Variants in XKR6 observed in about 807,000 individuals in gnomAD.
The protein encoded by XKR6 is XK related 6.
In XKR6, 22 loss-of-function variants were observed where a neutral mutation model predicts 56.7. The ratio of observed to expected loss-of-function variants is 0.39; its 90% CI spans 0.28 to 0.55. XKR6 has a LOEUF of 0.55. Ranked by LOEUF, XKR6 falls within the 20% of genes least tolerant of loss-of-function variation. The probability of loss-of-function intolerance (pLI) is 0.66; values close to 1 mark genes in which losing one functional copy is unlikely to be tolerated. For missense variants in XKR6, 852 were observed against 889.0 expected, an observed-to-expected ratio of 0.96 and a Z score of 0.53; for synonymous variants, 524 against 387.8, an observed-to-expected ratio of 1.35 and a Z score of -4.13.
chr8:11,195,532 A>T (rs1326645675), intron 1 of XKR6, among the ~76,000 whole-genome samples: 1 of 152,136 alleles, frequency 6.6e-6, no homozygotes, highest in Non-Finnish European at 1.5e-5. Flanking sequence ...TAGCACATCC[A>T]CTTCCTGATC....
chr8:10,975,331 A>G (rs1041752212), intron 1 of XKR6, among the ~76,000 whole-genome samples: 5 of 152,340 alleles, frequency 3.3e-5, no homozygotes, highest in African/African-American at 1.2e-4. Context: ...AACACAGTGC[A>G]TTGAGGCCAG....
At chr8:11,065,600 A>G (rs1187457585) in intron 1 of XKR6, among the ~76,000 whole-genome samples, 1 of 151,174 alleles carries the variant, frequency 6.6e-6, no homozygotes, top group Non-Finnish European at 1.5e-5. Flanking sequence ...TTATCCTGGG[A>G]AATCCCTGCT....
intron 1 of XKR6, among the ~76,000 whole-genome samples, chr8:10,958,160 T>A (rs979977183): frequency 1.3e-5 from 2 of 152,076 alleles, no homozygotes; most frequent in Non-Finnish European, 2.9e-5. Context: ...TCCCTGAATC[T>A]CAAAATAGTC....
chr8:10,916,679 T>G (rs992503068), intron 2 of XKR6, among the ~76,000 whole-genome samples: 3 of 152,196 alleles, frequency 2.0e-5, no homozygotes, highest in Non-Finnish European at 2.9e-5. Flanking sequence ...GTGGAGCTGA[T>G]GCTTCATGTG....
At chr8:11,071,696 G>T (rs978321529) in intron 1 of XKR6, among the ~76,000 whole-genome samples, 2 of 152,010 alleles carry the variant, frequency 1.3e-5, no homozygotes, top group Non-Finnish European at 2.9e-5. Context: ...GAGTCTATGA[G>T]CCCCGAGTCT....
intron 1 of XKR6, among the ~76,000 whole-genome samples, chr8:11,056,484 A>AT (rs1563107983): frequency 2.0e-5 from 3 of 152,156 alleles, no homozygotes; most frequent in African/African-American, 7.2e-5. Context: ...TTCTGTGCAC[A>AT]TGGCAGGCTC....
At chr8:10,976,845 C>T (rs766727081) in intron 1 of XKR6, among the ~76,000 whole-genome samples, 28 of 152,196 alleles carry the variant, frequency 1.8e-4, no homozygotes, top group Admixed American at 3.9e-4. Flanking sequence ...AGCGATGTGG[C>T]CTCCCTGAAA....
chr8:11,163,650 G>A (rs1801932435), intron 1 of XKR6, among the ~76,000 whole-genome samples: 1 of 152,218 alleles, frequency 6.6e-6, no homozygotes, highest in Non-Finnish European at 1.5e-5. Flanking sequence ...AGAACGCATT[G>A]CTTTGTTGTT....
At chr8:11,062,947 G>A in intron 1 of XKR6, 1 of 428,496 alleles carries the variant, frequency 2.3e-6, no homozygotes, top group Non-Finnish European at 4.8e-6. Flanking sequence ...GCATTGGCTA[G>A]AAGTGAAGGA....
intron 1 of XKR6, among the ~76,000 whole-genome samples, chr8:11,198,440 G>T (rs946691675): frequency 6.8e-6 from 1 of 146,486 alleles, no homozygotes; most frequent in African/African-American, 2.5e-5. Flanking sequence ...TTCTAATCTT[G>T]AAAAAAGATG....
intron 1 of XKR6, among the ~76,000 whole-genome samples, chr8:11,075,709 C>T (rs1185036334): frequency 1.3e-5 from 2 of 152,130 alleles, no homozygotes; most frequent in African/African-American, 4.8e-5. Flanking sequence ...CCCGCCTCTA[C>T]TAAAAATACA....
intron 1 of XKR6, among the ~76,000 whole-genome samples, chr8:11,076,782 G>A (rs577447073): frequency 7.9e-5 from 12 of 152,318 alleles, no homozygotes; most frequent in East Asian, 1.9e-4. Context: ...CTCTGGGCCC[G>A]CAGAGGACAG....
chr8:11,099,409 G>A (rs757439849), intron 1 of XKR6, among the ~76,000 whole-genome samples: 1 of 152,216 alleles, frequency 6.6e-6, no homozygotes, highest in Non-Finnish European at 1.5e-5. Flanking sequence ...CTCCAACTGG[G>A]GGAATTTTAG....
At chr8:11,104,899 A>G (rs950152825) in intron 1 of XKR6, 1 of 152,192 alleles carries the variant, frequency 6.6e-6, no homozygotes, top group African/African-American at 2.4e-5. Context: ...TTTCACATAT[A>G]ACTTTTGGAA....
At chr8:11,166,965 G>T (rs1802108454) in intron 1 of XKR6, among the ~76,000 whole-genome samples, 2 of 152,192 alleles carry the variant, frequency 1.3e-5, no homozygotes, top group South Asian at 4.1e-4. Flanking sequence ...GATTGCCAGG[G>T]AGATACAGGA....
At chr8:11,143,746 T>TG (rs1193265394) in intron 1 of XKR6, among the ~76,000 whole-genome samples, 1 of 152,192 alleles carries the variant, frequency 6.6e-6, no homozygotes, top group Non-Finnish European at 1.5e-5. Flanking sequence ...TGGTCCTGGA[T>TG]GGTGGCTAAA....
intron 1 of XKR6, among the ~76,000 whole-genome samples, chr8:11,007,593 C>T (rs1020812633): frequency 6.6e-6 from 1 of 152,182 alleles, no homozygotes; most frequent in African/African-American, 2.4e-5. Flanking sequence ...GCCTGACCCA[C>T]AGAGGAAGGC....
At chr8:11,043,222 A>G (rs59216254) in intron 1 of XKR6, among the ~76,000 whole-genome samples, 2,344 of 138,382 alleles carry the variant, frequency 0.017, 62 homozygotes, top group African/African-American at 0.057. Flanking sequence ...AGAGGAAGAG[A>G]AAAAAAAAAA....
chr8:11,134,566 A>G (rs1800283869), intron 1 of XKR6, among the ~76,000 whole-genome samples: 1 of 152,138 alleles, frequency 6.6e-6, no homozygotes, highest in Admixed American at 6.5e-5. Flanking sequence ...ATTTTTAGGA[A>G]ACTGAAACAC....
Sources: allele counts gnomAD v4.1 joint callset (sites outside exome capture counted in the v4.1 genomes callset), GRCh38; gene constraint gnomAD v4.1.1; transcripts MANE v1.5; gene names NCBI Gene and HGNC (gene_info 2026-07-23, HGNC 2026-07-21).